PTPRD: variants seen among roughly 807,000 people sequenced by gnomAD.
PTPRD encodes receptor-type tyrosine-protein phosphatase delta.
In PTPRD, 34 loss-of-function variants were observed where a neutral mutation model predicts 214.5. The ratio of observed to expected loss-of-function variants is 0.16; its 90% CI spans 0.12 to 0.21. The LOEUF (loss-of-function observed/expected upper bound fraction) is 0.21. PTPRD is among the 10% of genes least tolerant of loss of function. The probability of loss-of-function intolerance (pLI) is 1.00; values close to 1 mark genes in which losing one functional copy is unlikely to be tolerated. For missense variants in PTPRD, 2,545 were observed against 2,398.7 expected (o/e 1.06, Z -1.27); for synonymous variants, 1,128 against 845.7 (o/e 1.33, Z -5.79).
At chr9:10,408,556 C>T (rs940183645) in intron 2 of PTPRD, among the ~76,000 whole-genome samples, 8 of 151,580 alleles carry the variant, frequency 5.3e-5, no homozygotes, top group African/African-American at 1.9e-4. Flanking sequence ...TTTATCACCC[C>T]TGCTTAATCT....
At chr9:9,027,198 C>T (rs2099590291) in intron 10 of PTPRD, among the ~76,000 whole-genome samples, 1 of 151,712 alleles carries the variant, frequency 6.6e-6, no homozygotes, top group African/African-American at 2.4e-5. Context: ...GGTGGATTTT[C>T]CAAATGTAAC....
At chr9:9,016,949 G>A (rs181783052) in intron 11 of PTPRD, among the ~76,000 whole-genome samples, 2 of 152,128 alleles carry the variant, frequency 1.3e-5, no homozygotes, top group Admixed American at 1.3e-4. Context: ...CAGTATTTTG[G>A]ATTTAGAGTC....
intron 2 of PTPRD, among the ~76,000 whole-genome samples, chr9:10,384,057 G>C (rs2097867308): frequency 6.8e-6 from 1 of 147,234 alleles, no homozygotes; most frequent in Non-Finnish European, 1.5e-5. Flanking sequence ...GGAGGAGGTG[G>C]GGATGGTTAA....
intron 7 of PTPRD, among the ~76,000 whole-genome samples, chr9:9,636,726 A>G (rs893627281): frequency 1.3e-5 from 2 of 152,354 alleles, no homozygotes; most frequent in Non-Finnish European, 1.5e-5. Context: ...AAAGATTTCA[A>G]TATATTTAGT....
chr9:9,425,498 G>A lies in PTPRD; in HGVS notation c.-236-28016C>T, dbSNP rs1220365733. On this transcript the variant is annotated intron_variant, in intron 8 of 45. Coordinates refer to ENST00000381196, the MANE Select transcript of PTPRD (RefSeq NM_002839.4). Reference sequence around the variant, plus strand: ...ATATATGTTTGGTGCAAAAGTAATTGTGGGTTTTGCCATAAAAGTAATGGC... The same window carrying A: ...ATATATGTTTGGTGCAAAAGTAATTATGGGTTTTGCCATAAAAGTAATGGC... Among the ~76,000 whole-genome samples the A allele has an allele frequency of 1.1e-4, 17 of 147,992 alleles. No homozygotes were observed. The Admixed American group carries it at 1.2e-3, about 10-fold the overall frequency.
At chr9:8,627,150 T>C (rs1023348974) in intron 14 of PTPRD, among the ~76,000 whole-genome samples, 1 of 151,806 alleles carries the variant, frequency 6.6e-6, no homozygotes, top group African/African-American at 2.4e-5. Flanking sequence ...TTTGCACCCA[T>C]GGCACTTGAG....
At chr9:10,103,041 A>G (rs1212822636) in intron 3 of PTPRD, among the ~76,000 whole-genome samples, 1 of 151,672 alleles carries the variant, frequency 6.6e-6, no homozygotes, top group Non-Finnish European at 1.5e-5. Context: ...CCAATTAAAC[A>G]TGTTAAATTT....
chr9:9,970,982 T>C (rs902858135), intron 4 of PTPRD, among the ~76,000 whole-genome samples: 1 of 152,224 alleles, frequency 6.6e-6, no homozygotes, highest in Non-Finnish European at 1.5e-5. Flanking sequence ...AATATCCTTT[T>C]AAATACAAAA....
chr9:10,506,804 C>CA (rs914002538), intron 2 of PTPRD, among the ~76,000 whole-genome samples: 19 of 152,006 alleles, frequency 1.2e-4, no homozygotes, highest in African/African-American at 4.6e-4. Context: ...TAACGTACTT[C>CA]AATTTGGGTT....
At chr9:10,351,002 G>A (rs1041868868) in intron 2 of PTPRD, among the ~76,000 whole-genome samples, 13 of 152,060 alleles carry the variant, frequency 8.5e-5, no homozygotes, top group Non-Finnish European at 1.5e-4. Flanking sequence ...CTGAAGAAAG[G>A]AGCCAAAGGT....
At chr9:10,590,423 ATATT>A (rs1429661320) in intron 2 of PTPRD, among the ~76,000 whole-genome samples, 1 of 152,024 alleles carries the variant, frequency 6.6e-6, no homozygotes, top group African/African-American at 2.4e-5. Flanking sequence ...GAGATAGAAT[ATATT>A]TATTATCCTA....
intron 2 of PTPRD, among the ~76,000 whole-genome samples, chr9:10,550,669 G>A (rs180943324): frequency 6.6e-6 from 1 of 152,218 alleles, no homozygotes; most frequent in Admixed American, 6.5e-5. Flanking sequence ...TTGGAGCTGA[G>A]AGAGTGTGTT....
chr9:8,856,106 T>C (rs1251787507), intron 11 of PTPRD, among the ~76,000 whole-genome samples: 1 of 152,210 alleles, frequency 6.6e-6, no homozygotes, highest in African/African-American at 2.4e-5. Context: ...CTCTTTTTGC[T>C]ATAGTGTCTG....
intron 36 of PTPRD, among the ~76,000 whole-genome samples, chr9:8,397,942 A>G (rs1401979397): frequency 6.6e-5 from 10 of 152,102 alleles, no homozygotes; most frequent in Admixed American, 6.6e-4. Context: ...TTTCCATTTA[A>G]AAGAATAGAT....
chr9:9,393,156 C>A (rs967689497), intron 9 of PTPRD, among the ~76,000 whole-genome samples: 2 of 152,136 alleles, frequency 1.3e-5, no homozygotes, highest in African/African-American at 4.8e-5. Context: ...GTGACAAGAA[C>A]CTGGTTTTAG....
At chr9:9,670,270 G>C (rs1372838737) in intron 7 of PTPRD, among the ~76,000 whole-genome samples, 1 of 145,006 alleles carries the variant, frequency 6.9e-6, no homozygotes, top group Non-Finnish European at 1.6e-5. Context: ...GAACTTGAGA[G>C]AGATGATTTA....
chr9:9,754,657 C>A (rs1407495115), intron 6 of PTPRD, among the ~76,000 whole-genome samples: 1 of 152,024 alleles, frequency 6.6e-6, no homozygotes, highest in African/African-American at 2.4e-5. Flanking sequence ...GTTGAAATTA[C>A]ATTAACCTAA....
In PTPRD at chr9:8,810,937, T is replaced by C. The variant is rs1212022856; in HGVS notation, c.-103-76991A>G. Among the ~76,000 whole-genome samples, 4 of 152,152 alleles carry C rather than the reference T, an allele frequency of 2.6e-5. No individual in the cohort carries two copies. The East Asian group carries it at 7.7e-4, about 29-fold the overall frequency. ...TATGAGTTCGTCCTAGGGGCATTAA[T>C]TCCACTACACTTTCCAACTGTACCT... On this transcript the variant is annotated intron_variant, in intron 11 of 45. Transcript: ENST00000381196.
At chr9:8,765,845 T>C (rs1599101334) in intron 11 of PTPRD, among the ~76,000 whole-genome samples, 1 of 152,214 alleles carries the variant, frequency 6.6e-6, no homozygotes, top group Non-Finnish European at 1.5e-5. Context: ...TTATGACTTT[T>C]CAGCTGTTTG....
Sources: gnomAD v4.1 joint callset for allele counts (sites outside exome capture counted in the v4.1 genomes callset) on GRCh38, gnomAD v4.1.1 for gene constraint, MANE v1.5 for transcripts, NCBI Gene and HGNC (gene_info 2026-07-23, HGNC 2026-07-21) for gene names.